ERCC6L2: variants seen among roughly 807,000 people sequenced by gnomAD.
ERCC6L2 encodes DNA excision repair protein ERCC-6-like 2.
A neutral mutation model predicts 132.0 loss-of-function variants in ERCC6L2; 77 were observed. The ratio of observed to expected loss-of-function variants is 0.58; its 90% CI spans 0.49 to 0.71. The LOEUF is 0.71. Among genes scored for constraint, ERCC6L2 ranks in the 30% least tolerant of loss-of-function variants. The pLI, the probability that ERCC6L2 is intolerant of heterozygous loss-of-function variation, is 0.00. For missense variants in ERCC6L2, 1,542 were observed against 1,837.6 expected (o/e 0.84, Z 2.94); for synonymous variants, 583 against 632.4 (o/e 0.92, Z 1.17).
At chr9:95,908,587 C>G (rs553576431) in intron 4 of ERCC6L2, among the ~76,000 whole-genome samples, 75 of 152,210 alleles carry the variant, frequency 4.9e-4, no homozygotes, top group African/African-American at 1.7e-3. Flanking sequence ...GGTCACGGGA[C>G]CATGGTAGTG....
chr9:95,957,876 G>GTT (rs59212662), intron 13 of ERCC6L2, among the ~76,000 whole-genome samples: 13 of 145,908 alleles, frequency 8.9e-5, no homozygotes, highest in East Asian at 2.0e-4. Flanking sequence ...TTATGTTTTT[G>GTT]TTTTTTTTTT....
At chr9:95,948,447 G>GT (rs2132930873) in intron 12 of ERCC6L2, among the ~76,000 whole-genome samples, 1 of 152,316 alleles carries the variant, frequency 6.6e-6, no homozygotes, top group African/African-American at 2.4e-5. Context: ...GAGGTCAGGA[G>GT]TTTGAGACCA....
intron 16 of ERCC6L2, among the ~76,000 whole-genome samples, chr9:95,974,884 G>A (rs1159218975): frequency 6.6e-6 from 1 of 152,056 alleles, no homozygotes; most frequent in Non-Finnish European, 1.5e-5. Context: ...TAATTTGAGA[G>A]TATAGAGCTC....
rs186662059 is a variant in ERCC6L2 at position 96,001,892 on chromosome 9, A to T, written c.3493-2628A>T. 3.0e-3 allele frequency among the ~76,000 whole-genome samples: 452 copies of T among 152,342 alleles called. 2 individuals carry two copies. Among genetic ancestry groups the T allele is most frequent in the African/African-American group, 0.01 (436 of 41,588 alleles). On this transcript the variant is annotated intron_variant, in intron 17 of 18. Transcript: ENST00000653738. ...GGAAGGCAGCCAAGGCCCGGCGAGA[A>T]ATCGAGCGTAGCACCAGTGGGCCAG...
At chr9:95,900,933 G>A (rs1261097182) in intron 3 of ERCC6L2, among the ~76,000 whole-genome samples, 2 of 149,252 alleles carry the variant, frequency 1.3e-5, no homozygotes, top group African/African-American at 4.9e-5. Context: ...CAGAGGCCAG[G>A]TGTGGTGGCT....
chr9:96,001,150 G>A (rs1304807548), intron 17 of ERCC6L2, among the ~76,000 whole-genome samples: 3 of 152,166 alleles, frequency 2.0e-5, no homozygotes, highest in Non-Finnish European at 2.9e-5. Flanking sequence ...AGATCTTTGC[G>A]GTGAGTGTTA....
At position 96,016,726 on chromosome 9, in the gene ERCC6L2, CTT is replaced by C. The variant is rs1834191369; in HGVS notation, c.*3526_*3527del. On this transcript the variant is annotated 3_prime_UTR_variant, in exon 19 of 19. Coordinates refer to ENST00000653738, the MANE Select transcript of ERCC6L2 (RefSeq NM_020207.7). ...GCTTTTAAATTCTGAAGTTATCCTT[CTT>C]TTATGATATCAAAATAGCCCTCTTT... 6.6e-6 allele frequency among the ~76,000 whole-genome samples: 1 copy of C among 152,168 alleles called. No individual in the cohort carries two copies. Among genetic ancestry groups the C allele is most frequent in the South Asian group, 2.1e-4 (1 of 4,824 alleles).
chr9:95,888,310 A>G (rs1445753960), intron 2 of ERCC6L2, among the ~76,000 whole-genome samples: 3 of 152,214 alleles, frequency 2.0e-5, no homozygotes, highest in Non-Finnish European at 4.4e-5. Context: ...CTGTGAGGAA[A>G]GATGACTTAT....
chr9:96,022,228 C>G (rs905350957), downstream of ERCC6L2, among the ~76,000 whole-genome samples: 1 of 152,230 alleles, frequency 6.6e-6, no homozygotes, highest in African/African-American at 2.4e-5. Context: ...CCTCCTCCCT[C>G]CCTAATCCAT....
At chr9:95,898,728 G>A (rs1828597172) in intron 3 of ERCC6L2, among the ~76,000 whole-genome samples, 1 of 152,118 alleles carries the variant, frequency 6.6e-6, no homozygotes, top group African/African-American at 2.4e-5. Flanking sequence ...ATTTGGTAAT[G>A]AGCTACTTAC....
At chr9:96,011,528 C>T (rs1834025772) in intron 18 of ERCC6L2, among the ~76,000 whole-genome samples, 1 of 152,196 alleles carries the variant, frequency 6.6e-6, no homozygotes, top group Admixed American at 6.5e-5. Context: ...ATCTTTCTGC[C>T]TCTATCTTAC....
intron 17 of ERCC6L2, among the ~76,000 whole-genome samples, chr9:95,999,328 T>C (rs1381337848): frequency 6.6e-6 from 1 of 151,602 alleles, no homozygotes; most frequent in Admixed American, 6.6e-5. Flanking sequence ...GCCGCTGCAC[T>C]CCAGCCTGGG....
chr9:95,963,810 A>C (rs1832026697), intron 13 of ERCC6L2, among the ~76,000 whole-genome samples: 1 of 152,026 alleles, frequency 6.6e-6, no homozygotes, highest in Non-Finnish European at 1.5e-5. Context: ...ATGTTTCCTC[A>C]TGTCCAGACT....
chr9:95,986,259 A>T (rs181823029), intron 17 of ERCC6L2, among the ~76,000 whole-genome samples: 28 of 152,226 alleles, frequency 1.8e-4, no homozygotes, highest in African/African-American at 6.5e-4. Flanking sequence ...GTAAGTCACT[A>T]AACTAATTCA....
At chr9:95,955,798 T>C (rs1423252407) in intron 12 of ERCC6L2, 116 bp from the exon 13 acceptor site, 1 of 525,610 alleles carries the variant, frequency 1.9e-6, no homozygotes, top group Non-Finnish European at 3.3e-6. Context: ...ACATAAAATG[T>C]TTATTTTTAA....
intron 4 of ERCC6L2, among the ~76,000 whole-genome samples, chr9:95,909,562 C>G (rs1301963631): frequency 6.6e-6 from 1 of 152,038 alleles, no homozygotes; most frequent in African/African-American, 2.4e-5. Context: ...CAGGAAGCAC[C>G]CTTTTGTGTG....
At chr9:95,914,017 A>G (rs1390060963) in intron 4 of ERCC6L2, among the ~76,000 whole-genome samples, 3 of 152,214 alleles carry the variant, frequency 2.0e-5, no homozygotes, top group Non-Finnish European at 4.4e-5. Context: ...ATACCTAGGA[A>G]TGGAATTGTG....
intron 6 of ERCC6L2, chr9:95,918,463 C>G: frequency 4.2e-6 from 2 of 478,908 alleles, no homozygotes; most frequent in Non-Finnish European, 8.4e-6. Flanking sequence ...TCAGGTCCTG[C>G]AGGTCTGTTG....
intron 2 of ERCC6L2, among the ~76,000 whole-genome samples, chr9:95,882,837 T>A (rs1163792730): frequency 6.6e-6 from 1 of 152,174 alleles, no homozygotes; most frequent in East Asian, 1.9e-4. Context: ...TAAATGATTG[T>A]TTGTGGAATA....
Sources: gnomAD v4.1 joint callset for allele counts (sites outside exome capture counted in the v4.1 genomes callset) on GRCh38, gnomAD v4.1.1 for gene constraint, MANE v1.5 for transcripts, NCBI Gene and HGNC (gene_info 2026-07-23, HGNC 2026-07-21) for gene names.